NUGGC: variants seen among roughly 807,000 people sequenced by gnomAD.
The protein encoded by NUGGC is nuclear GTPase, germinal center associated, also known as nuclear GTPase SLIP-GC.
Under a neutral mutation model 92.6 loss-of-function variants are expected in NUGGC, and 58 were observed. That is an observed-to-expected ratio of 0.63 (90% CI 0.51 to 0.78). The LOEUF (loss-of-function observed/expected upper bound fraction) is 0.78, where lower values mean the gene tolerates loss of function less well. Among genes scored for constraint, NUGGC ranks in the 30% least tolerant of loss-of-function variants. The probability of loss-of-function intolerance (pLI) is 0.00; values close to 1 mark genes in which losing one functional copy is unlikely to be tolerated. For synonymous variants in NUGGC, 376 were observed against 366.4 expected (o/e 1.03, Z -0.30); for missense variants, 925 against 964.6 (o/e 0.96, Z 0.54).
chr8:28,077,692 C>T (rs1810757535), intron 1 of NUGGC, among the ~76,000 whole-genome samples: 1 of 152,102 alleles, frequency 6.6e-6, no homozygotes, highest in African/African-American at 2.4e-5. Context: ...ACAGTGAGCA[C>T]TGGAAGCAAA....
At chr8:28,049,637 C>T (rs752827274) in intron 10 of NUGGC, among the ~76,000 whole-genome samples, 5 of 152,144 alleles carry the variant, frequency 3.3e-5, no homozygotes, top group Admixed American at 6.6e-5. Flanking sequence ...GAGGTAGGAT[C>T]CAAGATGTTA....
intron 6 of NUGGC, among the ~76,000 whole-genome samples, chr8:28,065,847 G>A (rs1381959177): frequency 6.6e-6 from 1 of 152,220 alleles, no homozygotes; most frequent in Admixed American, 6.5e-5. Context: ...CCACGACGGA[G>A]GAGATAATAA....
intron 11 of NUGGC, among the ~76,000 whole-genome samples, chr8:28,047,294 C>T (rs1809864375): frequency 6.6e-6 from 1 of 152,100 alleles, no homozygotes; most frequent in South Asian, 2.1e-4. Context: ...CCTTTACCAA[C>T]CCATGGTAAG....
chr8:28,070,015 CA>C, intron 3 of NUGGC: 2 of 775,088 alleles, frequency 2.6e-6, no homozygotes, highest in Non-Finnish European at 3.1e-6. Flanking sequence ...ATCATTTTCA[CA>C]GGCTTTGTTC....
At chr8:28,051,446 T>C (rs375897714) in intron 10 of NUGGC, among the ~76,000 whole-genome samples, 28 of 152,160 alleles carry the variant, frequency 1.8e-4, no homozygotes, top group African/African-American at 6.5e-4. Context: ...TCAAACAATA[T>C]ATGCCTGAGA....
intron 18 of NUGGC, among the ~76,000 whole-genome samples, chr8:28,024,222 T>G (rs1809195454): frequency 6.6e-6 from 1 of 151,110 alleles, no homozygotes; most frequent in Admixed American, 6.6e-5. Context: ...TTTTTGTATT[T>G]TTAGTAGAGA....
At chr8:28,024,700 C>T (rs1809211727) in intron 18 of NUGGC, among the ~76,000 whole-genome samples, 1 of 152,154 alleles carries the variant, frequency 6.6e-6, no homozygotes, top group Admixed American at 6.5e-5. Context: ...GGATGGGACT[C>T]ATGAGCAGAG....
chr8:28,040,932 G>T (rs542947286), intron 13 of NUGGC, 119 bp downstream of exon 13: 6 of 999,564 alleles, frequency 6.0e-6, no homozygotes, highest in South Asian at 1.6e-5. Context: ...GGCATGAGCC[G>T]CCATGCCCGG....
chr8:28,076,856 G>A (rs1324662727), intron 1 of NUGGC, among the ~76,000 whole-genome samples: 2 of 152,158 alleles, frequency 1.3e-5, no homozygotes, highest in African/African-American at 4.8e-5. Flanking sequence ...TTCCCAGAGG[G>A]TAGAAATAGA....
At chr8:28,064,892 C>A (rs922573397) in intron 6 of NUGGC, among the ~76,000 whole-genome samples, 161 bp from the exon 7 acceptor site, 1 of 152,132 alleles carries the variant, frequency 6.6e-6, no homozygotes, top group Non-Finnish European at 1.5e-5. Context: ...AACCTGAGAG[C>A]CAGGAAGGAC....
At chr8:28,056,432 C>T (rs796672439) in intron 9 of NUGGC, among the ~76,000 whole-genome samples, 1 of 150,960 alleles carries the variant, frequency 6.6e-6, no homozygotes, top group South Asian at 2.1e-4. Context: ...GAGTCGAGAT[C>T]GCGCCACTGC....
At chr8:28,062,983 C>A (rs1810344343) in intron 7 of NUGGC, among the ~76,000 whole-genome samples, 1 of 152,116 alleles carries the variant, frequency 6.6e-6, no homozygotes, top group African/African-American at 2.4e-5. Flanking sequence ...CCCCAACCTG[C>A]ATCTCCCCAG....
At chr8:28,056,936 T>C (rs765190763) in intron 9 of NUGGC, among the ~76,000 whole-genome samples, 7 of 152,172 alleles carry the variant, frequency 4.6e-5, no homozygotes, top group Non-Finnish European at 1.0e-4. Context: ...GTGTTGCAAA[T>C]ATCCACTTAA....
At chr8:28,043,201 A>C (rs17486592) in intron 12 of NUGGC, among the ~76,000 whole-genome samples, 5,626 of 152,372 alleles carry the variant, frequency 0.037, 140 homozygotes, top group Non-Finnish European at 0.056. Flanking sequence ...TGGATAAACA[A>C]AAGAATGATA....
chr8:28,078,878 C>T (rs1490374828), intron 1 of NUGGC, among the ~76,000 whole-genome samples: 1 of 152,188 alleles, frequency 6.6e-6, no homozygotes, highest in African/African-American at 2.4e-5. Context: ...TGTGGAGAAG[C>T]AATTGATAAC....
At chr8:28,059,574 G>A (rs766642955) in intron 8 of NUGGC, among the ~76,000 whole-genome samples, 1 of 152,128 alleles carries the variant, frequency 6.6e-6, no homozygotes, top group Non-Finnish European at 1.5e-5. Flanking sequence ...TTGATACCTA[G>A]GTGATGGGTT....
chr8:28,033,415 A>G (rs1585556881), intron 14 of NUGGC, 125 bp downstream of exon 14: 1 of 626,574 alleles, frequency 1.6e-6, no homozygotes, highest in Non-Finnish European at 2.4e-6. Context: ...GCCAAGGACT[A>G]AGGTTTCCTT....
At chr8:28,082,266 A>C (rs1810869670) in intron 1 of NUGGC, among the ~76,000 whole-genome samples, 1 of 152,250 alleles carries the variant, frequency 6.6e-6, no homozygotes, top group African/African-American at 2.4e-5. Flanking sequence ...TCGTAGTAGA[A>C]GGGAGGCTTT....
At chr8:28,074,546 G>T in intron 1 of NUGGC, 90 bp from the exon 2 acceptor site, 1 of 793,874 alleles carries the variant, frequency 1.3e-6, no homozygotes, top group Non-Finnish European at 2.1e-6. Context: ...TGCTTGTGCG[G>T]TATTTCTGCC....
Sources: gnomAD v4.1 joint callset for allele counts (sites outside exome capture counted in the v4.1 genomes callset) on GRCh38, gnomAD v4.1.1 for gene constraint, MANE v1.5 for transcripts, NCBI Gene and HGNC (gene_info 2026-07-23, HGNC 2026-07-21) for gene names.